Variants in PLEKHM3 observed in about 807,000 individuals in gnomAD.
PLEKHM3 encodes pleckstrin homology domain containing M3, also known as pleckstrin homology domain-containing family M member 3.
PLEKHM3 carries 45 observed loss-of-function variants against 81.8 expected under a neutral mutation model. The ratio of observed to expected loss-of-function variants is 0.55; its 90% CI spans 0.43 to 0.71. The LOEUF (loss-of-function observed/expected upper bound fraction) is 0.71. Among genes scored for constraint, PLEKHM3 ranks in the 30% least tolerant of loss-of-function variants. PLEKHM3 has a pLI of 0.00. For synonymous variants in PLEKHM3, 352 were observed against 356.4 expected (o/e 0.99, Z 0.14); for missense variants, 788 against 924.3 (o/e 0.85, Z 1.91).
chr2:207,893,135 G>T (rs1191490549), intron 6 of PLEKHM3, among the ~76,000 whole-genome samples: 2 of 148,342 alleles, frequency 1.3e-5, no homozygotes, highest in Non-Finnish European at 3.0e-5. Context: ...CAAAAAAAGC[G>T]TTGTTATCTC....
chr2:207,853,103 A>G (rs2092421045), intron 7 of PLEKHM3, among the ~76,000 whole-genome samples: 1 of 152,120 alleles, frequency 6.6e-6, no homozygotes, highest in African/African-American at 2.4e-5. Flanking sequence ...TGTCTCCAGA[A>G]CCTAGCCCAA....
chr2:207,935,808 T>C (rs1216877264), intron 4 of PLEKHM3, among the ~76,000 whole-genome samples: 1 of 152,210 alleles, frequency 6.6e-6, no homozygotes, highest in East Asian at 1.9e-4. Flanking sequence ...TAAAAGAGTT[T>C]TCCTGTCCCT....
chr2:207,929,995 C>G, intron 5 of PLEKHM3: 2 of 672,652 alleles, frequency 3.0e-6, no homozygotes, highest in South Asian at 3.3e-5. Context: ...ACGCCATCAA[C>G]AATTATTTCA....
intron 6 of PLEKHM3, among the ~76,000 whole-genome samples, chr2:207,877,534 T>C (rs1181091431): frequency 6.6e-6 from 1 of 152,202 alleles, no homozygotes; most frequent in Non-Finnish European, 1.5e-5. Context: ...GGATTTTACT[T>C]CGTTCCTCAC....
intron 6 of PLEKHM3, among the ~76,000 whole-genome samples, chr2:207,882,495 G>A (rs578146269): frequency 1.2e-4 from 18 of 151,156 alleles, no homozygotes; most frequent in Non-Finnish European, 2.4e-4. Context: ...GCCTGTAATC[G>A]CAGTTACCCG....
chr2:207,885,192 C>T (rs978790454), intron 6 of PLEKHM3, among the ~76,000 whole-genome samples: 1 of 152,222 alleles, frequency 6.6e-6, no homozygotes, highest in Non-Finnish European at 1.5e-5. Context: ...TTTCTACTCT[C>T]TTCCTTAGAG....
intron 5 of PLEKHM3, among the ~76,000 whole-genome samples, chr2:207,912,855 G>T (rs1688852866): frequency 6.6e-6 from 1 of 152,166 alleles, no homozygotes; most frequent in Non-Finnish European, 1.5e-5. Flanking sequence ...CCCTAAGGCA[G>T]ACTGAATTTG....
intron 5 of PLEKHM3, among the ~76,000 whole-genome samples, chr2:207,909,669 T>G (rs867781965): frequency 1.4e-4 from 21 of 152,352 alleles, no homozygotes; most frequent in African/African-American, 4.6e-4. Context: ...CCTGGCTGTC[T>G]ATTAGAATCA....
intron 3 of PLEKHM3, among the ~76,000 whole-genome samples, chr2:207,950,543 C>T (rs1198556301): frequency 2.0e-5 from 3 of 152,082 alleles, no homozygotes; most frequent in African/African-American, 7.2e-5. Context: ...GACCAGAAAT[C>T]TGCATTTCTA....
At chr2:207,966,340 G>A (rs1364727412) in intron 3 of PLEKHM3, among the ~76,000 whole-genome samples, 1 of 152,098 alleles carries the variant, frequency 6.6e-6, no homozygotes, top group African/African-American at 2.4e-5. Flanking sequence ...TGGCCATCAA[G>A]TTTTCTTAAA....
In PLEKHM3 at chr2:207,911,412, G is replaced by A. The variant is rs142763960; in HGVS notation, c.1887-2835C>T. ...TACCCTTTATCCAGCTTCCCCTAAT[G>A]CTTACATCTTACATAACCATGGCAT... On this transcript the variant is annotated intron_variant, in intron 5 of 7. Coordinates refer to ENST00000427836, the MANE Select transcript of PLEKHM3 (RefSeq NM_001080475.3). Among the ~76,000 whole-genome samples, 248 of 152,206 alleles carry A rather than the reference G, an allele frequency of 1.6e-3. 1 individual carries two copies. Among genetic ancestry groups the A allele is most frequent in the African/African-American group, 5.7e-3 (237 of 41,540 alleles).
At chr2:207,903,846 G>A (rs1379795788) in intron 6 of PLEKHM3, among the ~76,000 whole-genome samples, 1 of 152,234 alleles carries the variant, frequency 6.6e-6, no homozygotes, top group Non-Finnish European at 1.5e-5. Flanking sequence ...CAAAAGTTAA[G>A]GCATTGAGAG....
At chr2:207,837,831 T>C (rs1380105560) in intron 7 of PLEKHM3, among the ~76,000 whole-genome samples, 1 of 127,898 alleles carries the variant, frequency 7.8e-6, no homozygotes, top group African/African-American at 3.0e-5. Flanking sequence ...AGGGCAGTGG[T>C]GCGATCTCAG....
intron 4 of PLEKHM3, among the ~76,000 whole-genome samples, chr2:207,937,700 G>A (rs1689801466): frequency 6.6e-6 from 1 of 151,802 alleles, no homozygotes; most frequent in Non-Finnish European, 1.5e-5. Context: ...AAAATTTGGA[G>A]AATAAAGATC....
At chr2:207,856,802 A>G (rs1407826893) in intron 7 of PLEKHM3, among the ~76,000 whole-genome samples, 1 of 152,192 alleles carries the variant, frequency 6.6e-6, no homozygotes, top group Non-Finnish European at 1.5e-5. Flanking sequence ...ATATGTTATC[A>G]ACTTGTGTTA....
intron 6 of PLEKHM3, among the ~76,000 whole-genome samples, chr2:207,889,745 G>T (rs575813880): frequency 3.3e-4 from 50 of 152,060 alleles, no homozygotes; most frequent in Non-Finnish European, 4.0e-4. Flanking sequence ...GCCATTCCTG[G>T]GCCAAGTTGC....
At chr2:207,844,527 C>T (rs539705356) in intron 7 of PLEKHM3, among the ~76,000 whole-genome samples, 6 of 151,122 alleles carry the variant, frequency 4.0e-5, no homozygotes, top group African/African-American at 7.3e-5. Context: ...AGGATGGTCT[C>T]GATCTCCTGA....
chr2:208,015,445 C>T (rs114187107), intron 1 of PLEKHM3, among the ~76,000 whole-genome samples: 2,343 of 148,402 alleles, frequency 0.016, 48 homozygotes, highest in African/African-American at 0.055. Flanking sequence ...ATCATATTTA[C>T]ACCCAGGGAA....
intron 6 of PLEKHM3, among the ~76,000 whole-genome samples, chr2:207,864,009 AT>A (rs1356401173): frequency 6.6e-6 from 1 of 151,864 alleles, no homozygotes; most frequent in Non-Finnish European, 1.5e-5. Context: ...ATTTCTTATT[AT>A]GTATCTCCTG....
Sources: gnomAD v4.1 joint callset for allele counts (sites outside exome capture counted in the v4.1 genomes callset) on GRCh38, gnomAD v4.1.1 for gene constraint, MANE v1.5 for transcripts, NCBI Gene and HGNC (gene_info 2026-07-23, HGNC 2026-07-21) for gene names.